Variants in HMGCLL1 observed in about 807,000 individuals in gnomAD.
HMGCLL1 encodes 3-hydroxymethyl-3-methylglutaryl-CoA lyase, cytoplasmic.
HMGCLL1 carries 36 observed loss-of-function variants against 39.1 expected under a neutral mutation model. The observed-to-expected ratio is 0.92, with a 90% confidence interval of 0.71 to 1.22. The LOEUF is 1.22. Ranked by LOEUF, HMGCLL1 falls within the 50% of genes most tolerant of loss-of-function variation. The pLI is 0.00. For synonymous variants in HMGCLL1, 149 were observed against 144.0 expected (o/e 1.03, Z -0.25); for missense variants, 451 against 416.5 (o/e 1.08, Z -0.72).
the HMGCLL1 span, among the ~76,000 whole-genome samples, chr6:55,621,566 C>G: frequency 4.0e-5 from 6 of 151,846 alleles, no homozygotes; most frequent in Non-Finnish European, 5.9e-5. Context: ...TTATGAGACT[C>G]TAATGCCTGA....
intron 1 of HMGCLL1, among the ~76,000 whole-genome samples, chr6:55,542,435 T>G (rs1410250835): frequency 6.6e-6 from 1 of 152,072 alleles, no homozygotes; most frequent in East Asian, 1.9e-4. Flanking sequence ...TCAAATCTGT[T>G]GGGTGATTCC....
At chr6:55,505,169 C>A (rs926526932) in intron 5 of HMGCLL1, among the ~76,000 whole-genome samples, 2 of 151,514 alleles carry the variant, frequency 1.3e-5, no homozygotes, top group Non-Finnish European at 3.0e-5. Context: ...AGAATTAAAT[C>A]ATGAAAAAGA....
chr6:55,536,671 G>GA (rs368754032), intron 3 of HMGCLL1, among the ~76,000 whole-genome samples: 98,358 of 151,668 alleles, frequency 0.65, 32,169 homozygotes, highest in Admixed American at 0.71. Flanking sequence ...GCTTTTCCCA[G>GA]ATAAGTTGTA....
chr6:55,518,522 A>C (rs1183089988), intron 3 of HMGCLL1, among the ~76,000 whole-genome samples: 1 of 152,106 alleles, frequency 6.6e-6, no homozygotes, highest in Admixed American at 6.6e-5. Flanking sequence ...TCCTCCAACT[A>C]TTAGAATGTA....
At chr6:55,536,599 T>G (rs2127452671) in intron 3 of HMGCLL1, among the ~76,000 whole-genome samples, 1 of 152,228 alleles carries the variant, frequency 6.6e-6, no homozygotes, top group East Asian at 1.9e-4. Flanking sequence ...TCATTCCATC[T>G]GAGCGAGGGG....
At chr6:55,558,013 G>T (rs1302669647) in intron 1 of HMGCLL1, among the ~76,000 whole-genome samples, 1 of 152,122 alleles carries the variant, frequency 6.6e-6, no homozygotes, top group East Asian at 1.9e-4. Flanking sequence ...ACTAGCTACA[G>T]AACCCTGTCA....
At chr6:55,476,375 A>T (rs1765286487) in intron 7 of HMGCLL1, among the ~76,000 whole-genome samples, 2 of 151,654 alleles carry the variant, frequency 1.3e-5, no homozygotes, top group African/African-American at 4.8e-5. Context: ...TGTTACTAGT[A>T]TATATAACAG....
At chr6:55,552,815 C>T (rs1055689279) in intron 1 of HMGCLL1, among the ~76,000 whole-genome samples, 2 of 151,772 alleles carry the variant, frequency 1.3e-5, no homozygotes, top group Non-Finnish European at 2.9e-5. Context: ...TTTCCAATAG[C>T]TCTACTGAAG....
At chr6:55,579,251 G>A (rs563323775), upstream of HMGCLL1, 156 of 593,660 alleles carry the variant, frequency 2.6e-4, no homozygotes, top group African/African-American at 2.5e-3. Flanking sequence ...CGCGCCTGGG[G>A]CAGCGGGTGC....
At chr6:55,658,066 TA>T in the HMGCLL1 span, among the ~76,000 whole-genome samples, 2,481 of 151,026 alleles carry the variant, frequency 0.016, 81 homozygotes, top group African/African-American at 0.057. Context: ...AATAAAAATT[TA>T]AAAAAAAAGT....
chr6:55,624,710 T>G, the HMGCLL1 span, among the ~76,000 whole-genome samples: 1 of 152,126 alleles, frequency 6.6e-6, no homozygotes, highest in Non-Finnish European at 1.5e-5. Context: ...TTCAGGGACT[T>G]TCTACCTCAG....
intron 7 of HMGCLL1, among the ~76,000 whole-genome samples, chr6:55,462,459 AT>A (rs1764616462): frequency 6.6e-6 from 1 of 151,992 alleles, no homozygotes; most frequent in African/African-American, 2.4e-5. Context: ...TTCACACCCT[AT>A]TTTGGGAATA....
the HMGCLL1 span, among the ~76,000 whole-genome samples, chr6:55,661,406 G>A: frequency 5.3e-5 from 8 of 151,870 alleles, no homozygotes; most frequent in Admixed American, 4.6e-4. Context: ...GTGTAAAGAA[G>A]GGGTACAGTT....
intron 5 of HMGCLL1, 45 bp from the exon 6 acceptor site, chr6:55,499,344 G>A (rs1581861187): frequency 2.2e-6 from 3 of 1,368,670 alleles, no homozygotes; most frequent in Non-Finnish European, 2.0e-6. Flanking sequence ...TGGTAAATAA[G>A]CCATTTCCAT....
chr6:55,594,101 A>G, the HMGCLL1 span, among the ~76,000 whole-genome samples: 1 of 152,208 alleles, frequency 6.6e-6, no homozygotes, highest in Non-Finnish European at 1.5e-5. Context: ...TTCGGTCTCA[A>G]AATTGTACAA....
At chr6:55,632,319 G>A in the HMGCLL1 span, among the ~76,000 whole-genome samples, 1 of 151,668 alleles carries the variant, frequency 6.6e-6, no homozygotes, top group Non-Finnish European at 1.5e-5. Context: ...AGGAAATGGA[G>A]AATAATACAG....
intron 5 of HMGCLL1, among the ~76,000 whole-genome samples, chr6:55,507,298 G>A (rs116733762): frequency 2.4e-4 from 37 of 151,710 alleles, no homozygotes; most frequent in African/African-American, 8.2e-4. Flanking sequence ...TAATACTATC[G>A]ACAGTTTCAG....
At chr6:55,671,089 C>T in the HMGCLL1 span, among the ~76,000 whole-genome samples, 1 of 151,784 alleles carries the variant, frequency 6.6e-6, no homozygotes, top group Non-Finnish European at 1.5e-5. Context: ...GTATTCACTT[C>T]TAATAAGTGA....
the HMGCLL1 span, among the ~76,000 whole-genome samples, chr6:55,607,014 GTTA>G: frequency 1.3e-5 from 2 of 152,118 alleles, no homozygotes; most frequent in African/African-American, 4.8e-5. Context: ...CATAAGATTT[GTTA>G]TTATTTTTAA....
Sources: allele counts gnomAD v4.1 joint callset (sites outside exome capture counted in the v4.1 genomes callset), GRCh38; gene constraint gnomAD v4.1.1; transcripts MANE v1.5; gene names NCBI Gene and HGNC (gene_info 2026-07-23, HGNC 2026-07-21).